RAD51B: variants seen among roughly 807,000 people sequenced by gnomAD.
The protein encoded by RAD51B is DNA repair protein RAD51 homolog 2.
Under a neutral mutation model 42.2 loss-of-function variants are expected in RAD51B, and 38 were observed. The observed-to-expected ratio is 0.90, with a 90% CI of 0.70 to 1.18. The LOEUF (loss-of-function observed/expected upper bound fraction) is 1.18. RAD51B is among the 50% of genes most tolerant of loss of function. The probability of loss-of-function intolerance (pLI) is 0.00; values close to 1 mark genes in which losing one functional copy is unlikely to be tolerated. For missense variants in RAD51B, 373 were observed against 400.7 expected (o/e 0.93, Z 0.59); for synonymous variants, 154 against 145.2 (o/e 1.06, Z -0.43).
chr14:68,221,980 C>T (rs1225314060), intron 7 of RAD51B, among the ~76,000 whole-genome samples: 2 of 152,054 alleles, frequency 1.3e-5, no homozygotes, highest in Non-Finnish European at 1.5e-5. Context: ...AAATCAAAAC[C>T]ACGACGTGAT....
chr14:68,602,439 C>G (rs1891255908), intron 10 of RAD51B, among the ~76,000 whole-genome samples: 2 of 151,914 alleles, frequency 1.3e-5, no homozygotes, highest in Admixed American at 6.6e-5. Flanking sequence ...TCCAGAGAAA[C>G]AGAACCAACA....
intron 7 of RAD51B, among the ~76,000 whole-genome samples, chr14:68,264,774 C>G (rs2080956893): frequency 6.6e-6 from 1 of 152,060 alleles, no homozygotes; most frequent in African/African-American, 2.4e-5. Flanking sequence ...TTTTAGGATC[C>G]AAGAAAAGTG....
At chr14:68,019,122 A>G (rs1396526467) in intron 7 of RAD51B, among the ~76,000 whole-genome samples, 1 of 151,864 alleles carries the variant, frequency 6.6e-6, no homozygotes, top group Non-Finnish European at 1.5e-5. Context: ...CAGTAAACAT[A>G]TATGAAAAAA....
At chr14:68,049,370 A>G (rs1025574869) in intron 7 of RAD51B, among the ~76,000 whole-genome samples, 4 of 152,224 alleles carry the variant, frequency 2.6e-5, no homozygotes, top group Non-Finnish European at 5.9e-5. Flanking sequence ...ATATATATAC[A>G]TATGTATAAA....
chr14:68,028,697 C>T (rs374039724), intron 7 of RAD51B, among the ~76,000 whole-genome samples: 4 of 152,350 alleles, frequency 2.6e-5, no homozygotes, highest in South Asian at 4.1e-4. Flanking sequence ...AGAGGCTGCA[C>T]TGCACACATG....
chr14:68,072,069 A>AT (rs1305968810), intron 7 of RAD51B, among the ~76,000 whole-genome samples: 6,758 of 103,470 alleles, frequency 0.065, 677 homozygotes, highest in African/African-American at 0.18. Flanking sequence ...ATATTTATAT[A>AT]AATATATAAA....
chr14:68,152,303 T>C (rs969117543), intron 7 of RAD51B, among the ~76,000 whole-genome samples: 1 of 152,166 alleles, frequency 6.6e-6, no homozygotes, highest in Non-Finnish European at 1.5e-5. Context: ...ACCACATATA[T>C]GAACTCATAT....
chr14:67,958,333 C>G (rs1216580292), intron 7 of RAD51B, among the ~76,000 whole-genome samples: 1 of 152,188 alleles, frequency 6.6e-6, no homozygotes, highest in Non-Finnish European at 1.5e-5. Flanking sequence ...CAGTGGAACT[C>G]AGAAGTGGAG....
chr14:68,359,764 A>G (rs985567113), intron 8 of RAD51B, among the ~76,000 whole-genome samples: 3 of 152,198 alleles, frequency 2.0e-5, no homozygotes, highest in African/African-American at 7.2e-5. Flanking sequence ...TCTCTCTCTA[A>G]AAAGAGTGGT....
intron 8 of RAD51B, among the ~76,000 whole-genome samples, chr14:68,353,744 G>A (rs1177067282): frequency 6.6e-6 from 1 of 152,218 alleles, no homozygotes; most frequent in East Asian, 1.9e-4. Flanking sequence ...CGCAGCAGGG[G>A]GAAAGGAGGA....
chr14:68,665,810 T>G (rs1893021769), intron 11 of RAD51B, among the ~76,000 whole-genome samples: 1 of 152,250 alleles, frequency 6.6e-6, no homozygotes, highest in African/African-American at 2.4e-5. Context: ...CCCTGTTTCT[T>G]GGGGAATCCC....
intron 10 of RAD51B, among the ~76,000 whole-genome samples, chr14:68,538,795 C>T (rs1163677936): frequency 6.6e-6 from 1 of 152,186 alleles, no homozygotes; most frequent in Admixed American, 6.5e-5. Context: ...GCAGGATCAG[C>T]CTGCCCTGGG....
At chr14:67,864,788 G>C (rs2042270008) in intron 4 of RAD51B, 4 of 761,960 alleles carry the variant, frequency 5.2e-6, no homozygotes, top group Non-Finnish European at 8.7e-6. Flanking sequence ...TTCCTCCAAG[G>C]ATGGTACATA....
intron 7 of RAD51B, among the ~76,000 whole-genome samples, chr14:67,924,134 T>G (rs1407536936): frequency 2.0e-5 from 3 of 152,218 alleles, no homozygotes; most frequent in African/African-American, 2.4e-5. Flanking sequence ...ATTAGTCCTT[T>G]GTCGGATGCA....
At chr14:68,662,589 GC>G (rs1265961266) in intron 11 of RAD51B, among the ~76,000 whole-genome samples, 1 of 152,156 alleles carries the variant, frequency 6.6e-6, no homozygotes, top group Non-Finnish European at 1.5e-5. Context: ...ACTGTCTCCA[GC>G]CCTCCTTGTT....
intron 7 of RAD51B, among the ~76,000 whole-genome samples, chr14:68,269,482 T>C (rs1445725260): frequency 6.6e-6 from 1 of 152,234 alleles, no homozygotes; most frequent in African/African-American, 2.4e-5. Context: ...GACCCTGCCC[T>C]GAACCCTGTG....
At chr14:68,021,840 TA>T (rs1258413731) in intron 7 of RAD51B, among the ~76,000 whole-genome samples, 1 of 152,222 alleles carries the variant, frequency 6.6e-6, no homozygotes, top group African/African-American at 2.4e-5. Context: ...AAAATATGGT[TA>T]AAAAATGTTA....
At chr14:68,080,583 A>C (rs923221024) in intron 7 of RAD51B, among the ~76,000 whole-genome samples, 3 of 152,138 alleles carry the variant, frequency 2.0e-5, no homozygotes, top group African/African-American at 7.2e-5. Flanking sequence ...CTTTTTCTGA[A>C]AGCCTCACTT....
chr14:68,018,717 A>C (rs1003917518), intron 7 of RAD51B, among the ~76,000 whole-genome samples: 2 of 152,222 alleles, frequency 1.3e-5, no homozygotes, highest in Non-Finnish European at 2.9e-5. Context: ...TACTCATAAA[A>C]AATGTGTCAT....
Sources: allele counts gnomAD v4.1 joint callset (sites outside exome capture counted in the v4.1 genomes callset), GRCh38; gene constraint gnomAD v4.1.1; transcripts MANE v1.5; gene names NCBI Gene and HGNC (gene_info 2026-07-23, HGNC 2026-07-21).